The following DNM1L variants were observed in gnomAD, a reference collection of about 807,000 sequenced individuals.
DNM1L encodes dynamin-1-like protein.
Under a neutral mutation model 92.8 loss-of-function variants are expected in DNM1L, and 33 were observed. The observed-to-expected ratio is 0.36, with a 90% confidence interval of 0.27 to 0.48. The LOEUF (loss-of-function observed/expected upper bound fraction) is 0.48, where lower values mean the gene tolerates loss of function less well. Among genes scored for constraint, DNM1L ranks in the 20% least tolerant of loss-of-function variants. The pLI is 0.99. For synonymous variants in DNM1L, 284 were observed against 305.0 expected (o/e 0.93, Z 0.72); for missense variants, 485 against 888.8 (o/e 0.55, Z 5.78).
At chr12:32,689,062 G>A (rs1389120457) in intron 1 of DNM1L, among the ~76,000 whole-genome samples, 1 of 152,136 alleles carries the variant, frequency 6.6e-6, no homozygotes, top group African/African-American at 2.4e-5. Flanking sequence ...AACATAGTGA[G>A]ACCTGGTCTC....
intron 16 of DNM1L, among the ~76,000 whole-genome samples, chr12:32,738,890 C>T (rs536847846): frequency 6.6e-6 from 1 of 152,238 alleles, no homozygotes; most frequent in South Asian, 2.1e-4. Flanking sequence ...AAGTTCTGAA[C>T]TTCAAATAAA....
intron 6 of DNM1L, among the ~76,000 whole-genome samples, chr12:32,716,033 C>T (rs529560870): frequency 3.3e-5 from 5 of 152,108 alleles, no homozygotes; most frequent in African/African-American, 1.2e-4. Flanking sequence ...AAGTATGGTA[C>T]ATTCCATACA....
At chr12:32,726,483 T>C in intron 9 of DNM1L, 3 of 1,095,302 alleles carry the variant, frequency 2.7e-6, no homozygotes, top group Non-Finnish European at 2.8e-6. Flanking sequence ...TTCTTCACCT[T>C]CTTCATCATA....
chr12:32,717,189 C>G (rs1219938265), intron 6 of DNM1L, among the ~76,000 whole-genome samples: 1 of 109,496 alleles, frequency 9.1e-6, no homozygotes, highest in Admixed American at 1.2e-4. Context: ...ATAGTATATA[C>G]TATATATATT....
rs1954513464 is a variant in DNM1L, at chr12:32,730,903, T to G, written c.1080-111T>G. On this transcript the variant is annotated intron_variant, in intron 9 of 19. Transcript: ENST00000549701. ...ATGGGAATGAATGAAATTGTTTATC[T>G]GAGGCTTTCTCAGAAAATAAGATGA... The G allele has an allele frequency of 4.0e-6, 6 of 1,495,544 alleles. No homozygotes were observed. The Admixed American group carries it at 1.0e-4, about 26-fold the overall frequency. 92.6% of individuals were successfully genotyped at this position (1,495,544 alleles called of 1,614,324 possible). A position where few individuals can be genotyped will look rare whatever the true frequency, so the allele number is the denominator to read the frequency against.
chr12:32,713,162 A>G, intron 5 of DNM1L, 47 bp from the exon 6 acceptor site: 1 of 1,605,040 alleles, frequency 6.2e-7, no homozygotes, highest in Non-Finnish European at 8.5e-7. Context: ...AAAAAAGCTG[A>G]GTTGATTTTT....
chr12:32,706,738 G>T (rs1330752525), intron 2 of DNM1L: 2 of 453,652 alleles, frequency 4.4e-6, no homozygotes, highest in Non-Finnish European at 8.9e-6. Context: ...CCTTGAAAGT[G>T]TGTGTAAATT....
At chr12:32,721,211 A>G (rs546021909) in intron 8 of DNM1L, among the ~76,000 whole-genome samples, 146 of 152,322 alleles carry the variant, frequency 9.6e-4, no homozygotes, top group African/African-American at 3.1e-3. Flanking sequence ...TTTTATTTCT[A>G]TTCACTGTAG....
At chr12:32,742,129 C>G (rs7966735) in intron 18 of DNM1L, among the ~76,000 whole-genome samples, 53,978 of 151,248 alleles carry the variant, frequency 0.36, 11,263 homozygotes, top group African/African-American at 0.58. Context: ...TTTTGAGACA[C>G]AGTCTCACTC....
At chr12:32,738,154 C>T (rs1434521055) in intron 15 of DNM1L, 110 bp from the exon 16 acceptor site, 2 of 1,335,146 alleles carry the variant, frequency 1.5e-6, no homozygotes, top group Admixed American at 1.9e-5. Context: ...AGAAGATGCA[C>T]ACAGAAAAAG....
intron 5 of DNM1L, among the ~76,000 whole-genome samples, chr12:32,712,424 T>C (rs1410444624): frequency 6.6e-6 from 1 of 152,132 alleles, no homozygotes; most frequent in Non-Finnish European, 1.5e-5. Flanking sequence ...TAAGTGTCAG[T>C]TGTCTCAGTG....
intron 1 of DNM1L, among the ~76,000 whole-genome samples, chr12:32,696,542 G>A (rs1336538503): frequency 1.3e-5 from 2 of 151,758 alleles, no homozygotes; most frequent in Non-Finnish European, 2.9e-5. Flanking sequence ...GGAGGCTGCA[G>A]TGAGCTGTGA....
In DNM1L at chr12:32,719,126, T is replaced by G. The variant is rs141241601; in HGVS notation, c.740+363T>G. On this transcript the variant is annotated intron_variant, in intron 7 of 19. Transcript: ENST00000549701. ...TCACCACACCTGGCTAATTTTAAAT[T>G]TTTTTGTAGTGACAAGGTCTTGCCA... is the stretch of plus-strand genomic sequence containing the variant. Among the ~76,000 whole-genome samples, 1,286 of 152,148 alleles carry G rather than the reference T, an allele frequency of 8.5e-3. 15 individuals carry two copies. The highest frequency in any genetic ancestry group is 0.03 in the African/African-American group (1,231 of 41,494).
chr12:32,718,254 G>C (rs1953640196), intron 6 of DNM1L, among the ~76,000 whole-genome samples: 1 of 150,642 alleles, frequency 6.6e-6, no homozygotes, highest in Non-Finnish European at 1.5e-5. Context: ...CAATTCTCCT[G>C]CTTCAGCCTC....
At chr12:32,692,857 TAC>T (rs773888153) in intron 1 of DNM1L, 9 of 152,240 alleles carry the variant, frequency 5.9e-5, no homozygotes, top group Non-Finnish European at 1.3e-4. Context: ...TATATGTTTT[TAC>T]ACAGTCATGT....
Position 32,708,258 on chromosome 12 carries a change from A to G in DNM1L, c.369+34A>G, listed in dbSNP as rs931704060. On this transcript the variant is annotated intron_variant, in intron 4 of 19. Coordinates refer to ENST00000549701, the MANE Select transcript of DNM1L (RefSeq NM_012062.5). ...CTTTTTAGAGCTAGAAGGCATAAGC[A>G]TCAGTAAATATATAATTGAGGTATT... is the stretch of plus-strand genomic sequence containing the variant. The G allele has an allele frequency of 7.8e-6, 10 of 1,283,762 alleles. No individual in the cohort carries two copies. The African/African-American group carries it at 1.2e-4, about 15-fold the overall frequency. 79.5% of individuals were successfully genotyped at this position (1,283,762 alleles called of 1,614,324 possible). A position where few individuals can be genotyped will look rare whatever the true frequency, so the allele number is the denominator to read the frequency against.
intron 6 of DNM1L, 70 bp downstream of exon 6, chr12:32,713,441 T>G (rs945095735): frequency 7.8e-6 from 12 of 1,538,088 alleles, no homozygotes; most frequent in Non-Finnish European, 8.1e-6. Flanking sequence ...GAAAGGAATT[T>G]TTCTCTTTAA....
intron 6 of DNM1L, among the ~76,000 whole-genome samples, chr12:32,714,519 G>A (rs945313711): frequency 9.9e-5 from 15 of 151,858 alleles, no homozygotes; most frequent in Non-Finnish European, 1.3e-4. Context: ...TGATCCGCCC[G>A]CCTCGGCCTC....
chr12:32,686,186 G>A (rs1022906431), intron 1 of DNM1L, among the ~76,000 whole-genome samples: 2 of 151,694 alleles, frequency 1.3e-5, no homozygotes, highest in Non-Finnish European at 2.9e-5. Context: ...AAGTAGCTGG[G>A]ATTACAAGCA....
Sources: gnomAD v4.1 joint callset for allele counts (sites outside exome capture counted in the v4.1 genomes callset) on GRCh38, gnomAD v4.1.1 for gene constraint, MANE v1.5 for transcripts, NCBI Gene and HGNC (gene_info 2026-07-23, HGNC 2026-07-21) for gene names.